PHACTR2: variants seen among roughly 807,000 people sequenced by gnomAD.
PHACTR2 encodes the protein phosphatase and actin regulator 2.
In PHACTR2, 30 loss-of-function variants were observed where a neutral mutation model predicts 76.0. The observed-to-expected ratio is 0.39, with a 90% confidence interval of 0.30 to 0.54. PHACTR2 has a LOEUF of 0.54. Among genes scored for constraint, PHACTR2 ranks in the 20% least tolerant of loss-of-function variants. The pLI, the probability that PHACTR2 is intolerant of heterozygous loss-of-function variation, is 0.61. For missense variants in PHACTR2, 696 were observed against 781.1 expected (o/e 0.89, Z 1.30); for synonymous variants, 292 against 292.5 (o/e 1.00, Z 0.02).
chr6:143,563,873 G>A (rs12203367), intron 1 of PHACTR2, among the ~76,000 whole-genome samples: 49,117 of 150,866 alleles, frequency 0.33, 8,738 homozygotes, highest in Non-Finnish European at 0.4. Flanking sequence ...GTGTGGTGGC[G>A]CACACCTGTG....
At chr6:143,814,918 A>G (rs1456839700) in intron 12 of PHACTR2, among the ~76,000 whole-genome samples, 1 of 152,118 alleles carries the variant, frequency 6.6e-6, no homozygotes, top group African/African-American at 2.4e-5. Context: ...AGTATTTTTT[A>G]AAGCAATGAT....
intron 2 of PHACTR2, among the ~76,000 whole-genome samples, chr6:143,734,837 G>T (rs1329178211): frequency 1.3e-5 from 2 of 152,130 alleles, no homozygotes; most frequent in Non-Finnish European, 2.9e-5. Flanking sequence ...CTTTGGAGTG[G>T]TGCCACTTTA....
rs889922826 is a variant in PHACTR2, at chr6:143,689,357, A to G, written c.46+11148A>G. Reference sequence around the variant, plus strand: ...CCAATGTCTCTTCTTATTCCTAGGTATATGCCTGACACCAAAACTATTTGT... The same window carrying G: ...CCAATGTCTCTTCTTATTCCTAGGTGTATGCCTGACACCAAAACTATTTGT... On this transcript the variant is annotated intron_variant, in intron 1 of 12. Coordinates refer to ENST00000440869, the MANE Select transcript of PHACTR2 (RefSeq NM_001100164.2). The surrounding 1 kb of genome is among the most constrained non-coding windows in gnomAD (Gnocchi z 4.4). 6.6e-6 allele frequency among the ~76,000 whole-genome samples: 1 copy of G among 152,194 alleles called. No individual in the cohort carries two copies. The highest frequency in any genetic ancestry group is 2.4e-5 in the African/African-American group (1 of 41,452).
intron 4 of PHACTR2, among the ~76,000 whole-genome samples, chr6:143,758,579 G>A (rs1779358848): frequency 6.6e-6 from 1 of 152,186 alleles, no homozygotes; most frequent in South Asian, 2.1e-4. Context: ...TGAGTTAAGA[G>A]GGCCATTACT....
intron 1 of PHACTR2, among the ~76,000 whole-genome samples, chr6:143,649,719 C>T (rs772372215): frequency 6.6e-5 from 10 of 152,140 alleles, no homozygotes; most frequent in Non-Finnish European, 1.2e-4. Context: ...CCATATATGA[C>T]AAACCCACAG....
At position 143,559,690 on chromosome 6, in the gene PHACTR2, C is replaced by CTTTTTTTTTTTTTTTTTTTT. The variant is rs5880566; in HGVS notation, c.217+22500_217+22519dup. On this transcript the variant is annotated intron_variant, in intron 1 of 11. Transcript: ENST00000367584. ...TAAAAATACCAGTGATTTTTCTTTT[C>CTTTTTTTTTTTTTTTTTTTT]TTTTTTTTTTTTTTTTTTTTTTTTT... is the stretch of plus-strand genomic sequence containing the variant. Among the ~76,000 whole-genome samples, 2 of 31,894 alleles carry CTTTTTTTTTTTTTTTTTTTT rather than the reference C, an allele frequency of 6.3e-5. 1 individual carries two copies. The highest frequency in any genetic ancestry group is 1.1e-4 in the Non-Finnish European group (2 of 18,674). 20.9% of individuals were successfully genotyped at this position (31,894 alleles called of 152,430 possible). A position where few individuals can be genotyped will look rare whatever the true frequency, so the allele number is the denominator to read the frequency against.
chr6:143,813,943 T>C (rs1035878935), intron 12 of PHACTR2, among the ~76,000 whole-genome samples: 1 of 152,208 alleles, frequency 6.6e-6, no homozygotes, highest in Non-Finnish European at 1.5e-5. Flanking sequence ...TAAAACCTAC[T>C]GGTGACTGGA....
rs916549656 is a variant in PHACTR2 at position 143,664,384 on chromosome 6, T to C, written c.14-47632T>C. On this transcript the variant is annotated intron_variant, in intron 1 of 11. Coordinates refer to the PHACTR2 transcript ENST00000305766. The surrounding 1 kb of genome is among the most constrained non-coding windows in gnomAD (Gnocchi z 5.1). ...GTCTTTGTCATTAGATAAGAAAGCT[T>C]ATTCCTTTCATATTTATTGAGATTA... Among the ~76,000 whole-genome samples, 1 of 152,110 alleles carries C rather than the reference T, an allele frequency of 6.6e-6. No homozygotes were observed. Among genetic ancestry groups the C allele is most frequent in the Non-Finnish European group, 1.5e-5 (1 of 68,006 alleles).
rs1776061880 is a variant in PHACTR2 at position 143,616,593 on chromosome 6, A to G, written c.13+8271A>G. Among the ~76,000 whole-genome samples, 1 of 152,114 alleles carries G rather than the reference A, an allele frequency of 6.6e-6. No homozygotes were observed. The highest frequency in any genetic ancestry group is 1.5e-5 in the Non-Finnish European group (1 of 68,030). ...CTGGTCACCCACTCTGTGCCACGCA[A>G]TGTCCTAGTTAGTGTGGATATGAGA... On this transcript the variant is annotated intron_variant, in intron 1 of 11. Transcript: ENST00000305766. The surrounding 1 kb of genome is among the most constrained non-coding windows in gnomAD (Gnocchi z 4.9).
intron 4 of PHACTR2, among the ~76,000 whole-genome samples, chr6:143,756,088 AC>A (rs1444044772): frequency 6.6e-6 from 1 of 152,042 alleles, no homozygotes; most frequent in Non-Finnish European, 1.5e-5. Flanking sequence ...TATTTGCCAA[AC>A]CATATCATCT....
chr6:143,654,025 T>C lies in PHACTR2; in HGVS notation c.13+45703T>C, dbSNP rs1376575502. The stretch of plus-strand genomic sequence containing the variant: ...TACAATGCAATAATAAAAAGACAAA[T>C]ACTCCAATGTTCAAATGGGCAAAGG... On this transcript the variant is annotated intron_variant, in intron 1 of 11. Coordinates refer to the PHACTR2 transcript ENST00000305766. This position sits in a 1 kb window ranked among gnomAD's most constrained non-coding sequence, Gnocchi z 4.6. Among the ~76,000 whole-genome samples the C allele has an allele frequency of 6.6e-6, 1 of 152,080 alleles. No homozygotes were observed. The highest frequency in any genetic ancestry group is 2.4e-5 in the African/African-American group (1 of 41,402).
intron 1 of PHACTR2, among the ~76,000 whole-genome samples, chr6:143,567,245 C>A (rs1775376393): frequency 6.6e-6 from 1 of 152,110 alleles, no homozygotes; most frequent in South Asian, 2.1e-4. Context: ...CTTTTGAAAA[C>A]CCCCAAAAAT....
intron 1 of PHACTR2, among the ~76,000 whole-genome samples, chr6:143,586,445 GC>G (rs1219179068): frequency 6.6e-6 from 1 of 152,162 alleles, no homozygotes; most frequent in African/African-American, 2.4e-5. Context: ...TGCAGAGCAG[GC>G]AAGTCCCAAA....
chr6:143,616,209 CA>C lies in PHACTR2; in HGVS notation c.13+7890del, dbSNP rs1217349613. On this transcript the variant is annotated intron_variant, in intron 1 of 11. Transcript: ENST00000305766. This position sits in a 1 kb window ranked among gnomAD's most constrained non-coding sequence, Gnocchi z 4.9. ...TTTTTTCACATAAACCAATTTTTTC[CA>C]AATATTTAATCTTCTAATTAGGAAT... Among the ~76,000 whole-genome samples the C allele has an allele frequency of 6.6e-6, 1 of 152,092 alleles. No individual in the cohort carries two copies. Among genetic ancestry groups the C allele is most frequent in the African/African-American group, 2.4e-5 (1 of 41,414 alleles).
In PHACTR2 at chr6:143,795,730, G is replaced by C. The variant is rs1775808247; in HGVS notation, c.1845+6820G>C. Among the ~76,000 whole-genome samples the C allele has an allele frequency of 6.6e-6, 1 of 152,190 alleles. No individual in the cohort carries two copies. The highest frequency in any genetic ancestry group is 2.4e-5 in the African/African-American group (1 of 41,448). Reference sequence around the variant, plus strand: ...TGACTTGGCCACTTAGTAGTTGTTTGACCTTGGCCAAGTCATTTAACCTAG... The same window carrying C: ...TGACTTGGCCACTTAGTAGTTGTTTCACCTTGGCCAAGTCATTTAACCTAG... On this transcript the variant is annotated intron_variant, in intron 11 of 12. Coordinates refer to ENST00000440869, the MANE Select transcript of PHACTR2 (RefSeq NM_001100164.2). This position sits in a 1 kb window ranked among gnomAD's most constrained non-coding sequence, Gnocchi z 4.8.
At chr6:143,670,247 C>A (rs1777128660) in intron 1 of PHACTR2, among the ~76,000 whole-genome samples, 2 of 152,120 alleles carry the variant, frequency 1.3e-5, no homozygotes, top group South Asian at 4.1e-4. Flanking sequence ...TGTGGGTAAC[C>A]CAACCTTTCT....
rs777382530 is a variant in PHACTR2, at chr6:143,738,331, C to T, written c.215-10654C>T. Among the ~76,000 whole-genome samples, 1 of 151,046 alleles carries T rather than the reference C, an allele frequency of 6.6e-6. No individual in the cohort carries two copies. Among genetic ancestry groups the T allele is most frequent in the Non-Finnish European group, 1.5e-5 (1 of 67,750 alleles). On this transcript the variant is annotated intron_variant, in intron 2 of 12. Transcript: ENST00000440869. The surrounding 1 kb of genome is among the most constrained non-coding windows in gnomAD (Gnocchi z 4.0). ...TGACACTGCACTCCAGCCTGGGCGA[C>T]AGAGGGAGACTCCATCTCAAAACAA...
chr6:143,574,676 A>G (rs1007731268), intron 1 of PHACTR2, among the ~76,000 whole-genome samples: 1 of 124,144 alleles, frequency 8.1e-6, no homozygotes, highest in Non-Finnish European at 1.7e-5. Context: ...ATACTTTTAT[A>G]TTCTTTTGAT....
chr6:143,810,290 T>G (rs1776148600), intron 12 of PHACTR2, among the ~76,000 whole-genome samples: 1 of 152,238 alleles, frequency 6.6e-6, no homozygotes, highest in Non-Finnish European at 1.5e-5. Context: ...TATATCTTTG[T>G]GCACACATGC....
Sources: gnomAD v4.1 joint callset for allele counts (sites outside exome capture counted in the v4.1 genomes callset) on GRCh38, gnomAD v4.1.1 for gene constraint, Gnocchi (gnomAD v3.1) non-coding constraint, MANE v1.5 for transcripts, NCBI Gene and HGNC (gene_info 2026-07-23, HGNC 2026-07-21) for gene names.